Variants in EVI5 observed in about 807,000 individuals in gnomAD.
The protein encoded by EVI5 is ecotropic viral integration site 5 protein homolog.
Under a neutral mutation model 112.0 loss-of-function variants are expected in EVI5, and 73 were observed. The observed-to-expected ratio is 0.65, with a 90% CI of 0.54 to 0.79. EVI5 has a LOEUF of 0.79. Ranked by LOEUF, EVI5 falls within the 30% of genes least tolerant of loss-of-function variation. The probability of loss-of-function intolerance (pLI) is 0.00; values close to 1 mark genes in which losing one functional copy is unlikely to be tolerated. For synonymous variants in EVI5, 305 were observed against 319.9 expected, an observed-to-expected ratio of 0.95 and a Z score of 0.50; for missense variants, 900 against 968.8, an observed-to-expected ratio of 0.93 and a Z score of 0.94.
At chr1:92,756,570 G>C (rs1302601788) in intron 1 of EVI5, 14 of 511,990 alleles carry the variant, frequency 2.7e-5, no homozygotes, top group South Asian at 1.9e-4. Flanking sequence ...ATAATGATGT[G>C]AAAGAAGCAA....
chr1:92,693,055 C>T (rs994461007), intron 9 of EVI5, among the ~76,000 whole-genome samples: 13 of 152,050 alleles, frequency 8.5e-5, no homozygotes, highest in African/African-American at 3.1e-4. Context: ...GAAAGTAGTA[C>T]AAAAAATAAG....
Position 92,625,816 on chromosome 1 carries a change from T to C in EVI5, c.1646A>G (p.Lys549Arg), listed in dbSNP as rs1466191982. 7 of 1,613,280 alleles carry C rather than the reference T, an allele frequency of 4.3e-6. No homozygotes were observed. The highest frequency in any genetic ancestry group is 5.9e-6 in the Non-Finnish European group (7 of 1,179,488). ...TACCTGCCAGTGTTCCTCTAAATCC[T>C]TGACTTGCTGTCTAAGTTCTTTCAA... ...MGLKELRQQVKDLEEHWQRHL... is the reference protein window; with the variant it reads ...MGLKELRQQVRDLEEHWQRHL... Residue 549 changes from lysine to arginine, a missense_variant, in exon 15 of 20, where the codon AAG becomes AGG. Physicochemically the swap from Lys to Arg is conservative, Grantham distance 26 (BLOSUM62 2). Transcript: ENST00000684568.
chr1:92,740,782 T>C (rs1332705999), intron 1 of EVI5, among the ~76,000 whole-genome samples: 1 of 152,206 alleles, frequency 6.6e-6, no homozygotes, highest in Non-Finnish European at 1.5e-5. Flanking sequence ...TTCCTGTATT[T>C]CTTATAGTCA....
At chr1:92,569,190 A>G (rs918542761) in intron 18 of EVI5, among the ~76,000 whole-genome samples, 48 of 152,214 alleles carry the variant, frequency 3.2e-4, no homozygotes, top group African/African-American at 1.0e-3. Context: ...TACTTCATAG[A>G]TGAGGAAACG....
intron 16 of EVI5, among the ~76,000 whole-genome samples, chr1:92,618,312 G>C (rs982930063): frequency 6.6e-6 from 1 of 152,156 alleles, no homozygotes; most frequent in Non-Finnish European, 1.5e-5. Context: ...CTTAGTTCCA[G>C]AGGGAGGAAC....
At chr1:92,522,255 T>C (rs999052801) in intron 19 of EVI5, among the ~76,000 whole-genome samples, 5 of 152,134 alleles carry the variant, frequency 3.3e-5, no homozygotes, top group Admixed American at 3.3e-4. Flanking sequence ...TGGCCAGAAA[T>C]ATAAAATACA....
intron 1 of EVI5, among the ~76,000 whole-genome samples, chr1:92,747,665 G>A (rs552203230): frequency 2.4e-5 from 3 of 127,024 alleles, no homozygotes; most frequent in African/African-American, 9.1e-5. Flanking sequence ...AGTGAGCTGA[G>A]ATCACGCCAC....
chr1:92,723,738 T>C (rs1570597140), intron 2 of EVI5, among the ~76,000 whole-genome samples: 1 of 152,300 alleles, frequency 6.6e-6, no homozygotes, highest in East Asian at 1.9e-4. Context: ...AAGGTCTGAC[T>C]GCTTGCGGGG....
chr1:92,564,585 G>C (rs1158546852), intron 18 of EVI5, among the ~76,000 whole-genome samples: 1 of 152,120 alleles, frequency 6.6e-6, no homozygotes, highest in African/African-American at 2.4e-5. Context: ...TGTTTCAGGT[G>C]AGCACTGGGA....
chr1:92,726,456 A>G (rs1570612287), intron 2 of EVI5, among the ~76,000 whole-genome samples: 1 of 152,190 alleles, frequency 6.6e-6, no homozygotes, highest in African/African-American at 2.4e-5. Flanking sequence ...ATAGAATTCT[A>G]TAGTCAAAGA....
In EVI5 at chr1:92,603,469, T is replaced by A. The variant is rs190227454; in HGVS notation, c.2070+1838A>T. Among the ~76,000 whole-genome samples, 594 of 152,236 alleles carry A rather than the reference T, an allele frequency of 3.9e-3. 12 individuals carry two copies. The highest frequency in any genetic ancestry group is 0.035 in the Admixed American group (539 of 15,284). The stretch of plus-strand genomic sequence containing the variant: ...AAATGTCCATCAATGAATGAACAGA[T>A]AAAAAATGTGGTATATACATACAAT... On this transcript the variant is annotated intron_variant, in intron 18 of 19. Transcript: ENST00000684568.
intron 14 of EVI5, among the ~76,000 whole-genome samples, chr1:92,629,926 T>C (rs1656584861): frequency 6.6e-6 from 1 of 151,802 alleles, no homozygotes; most frequent in South Asian, 2.1e-4. Context: ...GTTTGGTATT[T>C]TGTCCTTGTG....
At chr1:92,691,408 A>G (rs544381585) in intron 9 of EVI5, among the ~76,000 whole-genome samples, 1 of 152,210 alleles carries the variant, frequency 6.6e-6, no homozygotes, top group Admixed American at 6.5e-5. Context: ...AAATATTAAC[A>G]GTTGTTAAAT....
chr1:92,556,505 T>C (rs1473047566), intron 19 of EVI5, among the ~76,000 whole-genome samples: 1 of 152,208 alleles, frequency 6.6e-6, no homozygotes, highest in African/African-American at 2.4e-5. Context: ...TTTCCCCTCA[T>C]CATCATAAAC....
chr1:92,562,301 G>T (rs906792925), intron 19 of EVI5, among the ~76,000 whole-genome samples: 5 of 152,026 alleles, frequency 3.3e-5, no homozygotes, highest in African/African-American at 1.2e-4. Context: ...AGGCTGAGAC[G>T]GGCGGATCAT....
chr1:92,713,929 C>T lies in EVI5; in HGVS notation c.150-9185G>A, dbSNP rs1040285620. 3 of 675,634 alleles carry T rather than the reference C, an allele frequency of 4.4e-6. No individual in the cohort carries two copies. In the African/African-American group the frequency reaches 5.9e-5, roughly 13 times the overall value. The allele number at this position is 675,634 out of a possible 1,614,324, so 41.9% of individuals were successfully genotyped here. A position where few individuals can be genotyped will look rare whatever the true frequency, so the allele number is the denominator to read the frequency against. ...TTTAAACCACGCAAATAATGGCTCA[C>T]TCAAAATTTAAATTAGCAACATTCC... is the stretch of plus-strand genomic sequence containing the variant. On this transcript the variant is annotated intron_variant, in intron 2 of 19. Coordinates refer to ENST00000684568, the MANE Select transcript of EVI5 (RefSeq NM_001350197.2).
At chr1:92,627,955 A>C (rs1656047977) in intron 14 of EVI5, among the ~76,000 whole-genome samples, 1 of 151,862 alleles carries the variant, frequency 6.6e-6, no homozygotes. Context: ...TGCCTGGCTA[A>C]TTTTTTGTAT....
chr1:92,763,953 A>G (rs1682252030), intron 1 of EVI5, among the ~76,000 whole-genome samples: 1 of 152,232 alleles, frequency 6.6e-6, no homozygotes. Flanking sequence ...TGCCTGTATC[A>G]GAGGCAAATG....
intron 18 of EVI5, among the ~76,000 whole-genome samples, chr1:92,592,713 T>C (rs940394072): frequency 5.3e-5 from 8 of 151,904 alleles, no homozygotes; most frequent in Non-Finnish European, 1.2e-4. Flanking sequence ...ATCAAATAGA[T>C]GCAATACAAA....
Sources: gnomAD v4.1 joint callset for allele counts (sites outside exome capture counted in the v4.1 genomes callset) on GRCh38, gnomAD v4.1.1 for gene constraint, MANE v1.5 for transcripts, NCBI Gene and HGNC (gene_info 2026-07-23, HGNC 2026-07-21) for gene names.